FANCD2OS: variants seen among roughly 807,000 people sequenced by gnomAD.
The protein encoded by FANCD2OS is FANCD2 opposite strand, also known as FANCD2 opposite strand protein.
In FANCD2OS, 11 loss-of-function variants were observed where a neutral mutation model predicts 13.2. The observed-to-expected ratio is 0.83, with a 90% CI of 0.52 to 1.38. The LOEUF (loss-of-function observed/expected upper bound fraction) is 1.38, where lower values mean the gene tolerates loss of function less well. FANCD2OS is among the 40% of genes most tolerant of loss of function. The pLI is 0.00. For missense variants in FANCD2OS, 217 were observed against 213.9 expected, an observed-to-expected ratio of 1.01 and a Z score of -0.09; for synonymous variants, 69 against 84.5, an observed-to-expected ratio of 0.82 and a Z score of 1.01.
At chr3:10,095,786 C>T (rs139114811) in intron 2 of FANCD2OS, among the ~76,000 whole-genome samples, 5 of 152,032 alleles carry the variant, frequency 3.3e-5, no homozygotes. Flanking sequence ...CCCTAGAGTT[C>T]TGCAGTCACT....
chr3:10,101,133 A>G, downstream of FANCD2OS: 2 of 1,326,112 alleles, frequency 1.5e-6, no homozygotes, highest in East Asian at 2.3e-5. Flanking sequence ...TGTATTCCAG[A>G]GGTCACCCAG....
downstream of FANCD2OS, among the ~76,000 whole-genome samples, chr3:10,102,264 C>A (rs1356481820): frequency 6.6e-6 from 1 of 151,754 alleles, no homozygotes; most frequent in Non-Finnish European, 1.5e-5. Context: ...CTGTCTCAGC[C>A]CCCTGTATAG....
At chr3:10,101,923 C>T (rs532834749), downstream of FANCD2OS, 478 of 181,570 alleles carry the variant, frequency 2.6e-3, no homozygotes, top group Non-Finnish European at 4.6e-3. Context: ...AAATTCTGTT[C>T]TAAGTTCTGC....
chr3:10,098,276 G>A (rs1289209236), downstream of FANCD2OS, among the ~76,000 whole-genome samples: 3 of 152,082 alleles, frequency 2.0e-5, no homozygotes, highest in African/African-American at 4.8e-5. Flanking sequence ...GGGTGGAGCC[G>A]GAGTTTGAGT....
chr3:10,086,132 G>A (rs35770561), intron 2 of FANCD2OS, among the ~76,000 whole-genome samples: 35 of 152,320 alleles, frequency 2.3e-4, no homozygotes, highest in African/African-American at 8.2e-4. Flanking sequence ...AAATCTTCAT[G>A]AATGCATCAG....
chr3:10,092,253 G>A lies in FANCD2OS; in HGVS notation c.*44-10722C>T, dbSNP rs2125086228. On this transcript the variant is annotated intron_variant, in intron 2 of 2. Transcript: ENST00000524279. ...CAGTATCCTCATCAACTTGATAAAG[G>A]TGAGTATGGAGACTGCTTGACACAT... is the stretch of plus-strand genomic sequence containing the variant. The A allele has an allele frequency of 6.2e-7, 1 of 1,609,200 alleles. No homozygotes were observed. Among genetic ancestry groups the A allele is most frequent in the Non-Finnish European group, 8.5e-7 (1 of 1,175,646 alleles).
In FANCD2OS at chr3:10,104,728, C is replaced by T; in HGVS notation, c.47G>A (p.Ser16Asn). The T allele has an allele frequency of 6.2e-7, 1 of 1,607,394 alleles. No homozygotes were observed. The highest frequency in any genetic ancestry group is 2.2e-5 in the East Asian group (1 of 44,722). Residue 16 changes from serine (S) to asparagine (N), a missense_variant, in exon 2 of 2, where the codon AGT becomes AAT. Coordinates refer to ENST00000450660, the MANE Select transcript of FANCD2OS (RefSeq NM_001164839.2). ...TGTCGTGTGCCGCAGCCATTGGAAA[C>T]TCTCATCCAGTGGGGTCCATGGTGA... ...LWSPWTPLDE[S>N]FQWLRHTTPT... is the part of the protein sequence containing the mutation.
Position 10,104,482 on chromosome 3 carries a change from C to T in FANCD2OS, c.293G>A (p.Gly98Glu). ...AACCCTGCCAAAGACAGAATCTACT[C>T]CACTGAGGCGGATGGGCTGGGGCTT... ...VRKPQPIRLS[G>E]VDSVFGRVIT... Residue 98 changes from glycine (G) to glutamate (E), a missense_variant, in exon 2 of 2, where the codon GGA becomes GAA. By Grantham distance (98) the Gly-to-Glu change is moderately conservative. Transcript: ENST00000450660. The T allele has an allele frequency of 1.2e-6, 2 of 1,614,182 alleles. No individual in the cohort carries two copies. The highest frequency in any genetic ancestry group is 8.5e-7 in the Non-Finnish European group (1 of 1,180,032).
At chr3:10,102,276 TGGGACTACAGGC>T (rs1695333487), downstream of FANCD2OS, among the ~76,000 whole-genome samples, 1 of 151,536 alleles carries the variant, frequency 6.6e-6, no homozygotes, top group African/African-American at 2.4e-5. Flanking sequence ...CCTGTATAGG[TGGGACTACAGGC>T]ACACGCCACC....
intron 2 of FANCD2OS, chr3:10,088,452 C>T (rs1213183203): frequency 6.2e-7 from 1 of 1,602,516 alleles, no homozygotes; most frequent in African/African-American, 1.3e-5. Flanking sequence ...CTAACAGCTT[C>T]CCTTGCCAGA....
downstream of FANCD2OS, among the ~76,000 whole-genome samples, chr3:10,098,498 C>G (rs1165125494): frequency 2.0e-5 from 3 of 152,156 alleles, no homozygotes; most frequent in Non-Finnish European, 4.4e-5. Flanking sequence ...TAAGATGAAC[C>G]TTTCGTTACA....
At chr3:10,096,412 C>T in intron 2 of FANCD2OS, 2 of 1,614,104 alleles carry the variant, frequency 1.2e-6, no homozygotes, top group Non-Finnish European at 1.7e-6. Context: ...AAGCTATGCT[C>T]ACTCTCAACA....
chr3:10,085,967 C>G, intron 2 of FANCD2OS: 2 of 1,341,784 alleles, frequency 1.5e-6, no homozygotes, highest in Non-Finnish European at 2.1e-6. Context: ...CAAGAAACTC[C>G]TAGGAACAGG....
At position 10,088,969 on chromosome 3, in the gene FANCD2OS, C is replaced by T. The variant is rs377723227; in HGVS notation, c.*44-7438G>A. On this transcript the variant is annotated intron_variant, in intron 2 of 2. Coordinates refer to the FANCD2OS transcript ENST00000524279. ...TGACCAGGTAAGGGAGTTCTTTCCT[C>T]CAGTTTTTCCCTTAAGATAGAATCA... 12 of 1,613,580 alleles carry T rather than the reference C, an allele frequency of 7.4e-6. No individual in the cohort carries two copies. In the East Asian group the frequency reaches 1.8e-4, roughly 24 times the overall value.
At chr3:10,107,226 A>G (rs1489807167) in intron 1 of FANCD2OS, among the ~76,000 whole-genome samples, 3 of 152,182 alleles carry the variant, frequency 2.0e-5, no homozygotes, top group African/African-American at 7.2e-5. Context: ...GCTGTCAAGC[A>G]TATTTTTAAT....
At chr3:10,103,734 C>T (rs987887792), downstream of FANCD2OS, among the ~76,000 whole-genome samples, 17 of 152,240 alleles carry the variant, frequency 1.1e-4, no homozygotes, top group African/African-American at 3.9e-4. Context: ...AGTATTTCTA[C>T]CCACTTTTGT....
In FANCD2OS at chr3:10,082,066, C is replaced by T. The variant is rs74644901; in HGVS notation, c.*44-535G>A. Among the ~76,000 whole-genome samples the T allele has an allele frequency of 8.5e-5, 13 of 152,298 alleles. No homozygotes were observed. The East Asian group carries it at 2.3e-3, about 27-fold the overall frequency. ...ATAGGCATTTATATCCAACTGCCTA[C>T]GCAACACCTCCTTAGATGTGGCATT... On this transcript the variant is annotated intron_variant, in intron 2 of 2. Transcript: ENST00000524279.
chr3:10,088,516 T>C (rs370944916), intron 2 of FANCD2OS: 3 of 1,606,590 alleles, frequency 1.9e-6, no homozygotes, highest in Non-Finnish European at 2.6e-6. Context: ...GCAACATCTC[T>C]AATGACCAGC....
At chr3:10,088,469 CTCTGTCGG>C in intron 2 of FANCD2OS, 1 of 1,610,188 alleles carries the variant, frequency 6.2e-7, no homozygotes, top group Non-Finnish European at 8.5e-7. Flanking sequence ...CAGACAATTC[CTCTGTCGG>C]GTGTGGCCAA....
Sources: gnomAD v4.1 joint callset for allele counts (sites outside exome capture counted in the v4.1 genomes callset) on GRCh38, gnomAD v4.1.1 for gene constraint, MANE v1.5 for transcripts, NCBI Gene and HGNC (gene_info 2026-07-23, HGNC 2026-07-21) for gene names.